Variants in GLIS3 observed in about 807,000 individuals in gnomAD.
GLIS3 encodes the protein GLIS family zinc finger 3.
A neutral mutation model predicts 78.6 loss-of-function variants in GLIS3; 53 were observed. The observed-to-expected ratio is 0.67, with a 90% CI of 0.54 to 0.85. The LOEUF is 0.85. Ranked by LOEUF, GLIS3 falls within the 40% of genes least tolerant of loss-of-function variation. The probability of loss-of-function intolerance (pLI) is 0.00; values close to 1 mark genes in which losing one functional copy is unlikely to be tolerated. For synonymous variants in GLIS3, 684 were observed against 509.9 expected, an observed-to-expected ratio of 1.34 and a Z score of -4.60; for missense variants, 1,703 against 1,231.1, an observed-to-expected ratio of 1.38 and a Z score of -5.74.
chr9:3,861,317 G>A (rs532991869), intron 8 of GLIS3, among the ~76,000 whole-genome samples: 1 of 152,236 alleles, frequency 6.6e-6, no homozygotes, highest in East Asian at 1.9e-4. Flanking sequence ...TGGAGGGAAT[G>A]TAAATTAGTT....
chr9:4,283,932 G>C (rs1351593418), intron 2 of GLIS3, among the ~76,000 whole-genome samples: 1 of 152,206 alleles, frequency 6.6e-6, no homozygotes, highest in African/African-American at 2.4e-5. Context: ...TCCAGGAGGA[G>C]CACTGTAAGC....
intron 4 of GLIS3, among the ~76,000 whole-genome samples, chr9:3,961,720 G>A (rs979289843): frequency 6.6e-6 from 1 of 152,176 alleles, no homozygotes; most frequent in African/African-American, 2.4e-5. Context: ...TGCACAATTA[G>A]ACAAAGGTAA....
chr9:4,309,417 G>T (rs1403378990), intron 3 of GLIS3, among the ~76,000 whole-genome samples: 1 of 152,122 alleles, frequency 6.6e-6, no homozygotes, highest in African/African-American at 2.4e-5. Context: ...GGGGCGGGGG[G>T]AGCACAGTAT....
Position 4,054,541 on chromosome 9 carries a change from T to C in GLIS3, c.1710+63227A>G, listed in dbSNP as rs746944262. The C allele has an allele frequency of 2.4e-4, 228 of 969,932 alleles. 1 individual carries two copies. Among genetic ancestry groups the C allele is most frequent in the Admixed American group, 3.7e-4 (6 of 16,258 alleles). 60.1% of individuals were successfully genotyped at this position (969,932 alleles called of 1,614,324 possible). A position where few individuals can be genotyped will look rare whatever the true frequency, so the allele number is the denominator to read the frequency against. ...ACAGAGAAGGAGGCAAACACAGATC[T>C]GATCAGTGCGGAGCAGGTCACAAGT... On this transcript the variant is annotated intron_variant, in intron 4 of 10. Transcript: ENST00000381971.
chr9:4,244,896 A>T (rs187933982), intron 2 of GLIS3, among the ~76,000 whole-genome samples: 104 of 152,278 alleles, frequency 6.8e-4, no homozygotes, highest in African/African-American at 2.4e-3. Context: ...TTTAAATCTA[A>T]AATGATTCTA....
At chr9:4,124,542 G>A (rs605571) in intron 3 of GLIS3, among the ~76,000 whole-genome samples, 63,803 of 152,060 alleles carry the variant, frequency 0.42, 13,851 homozygotes, top group African/African-American at 0.49. Flanking sequence ...AGTCTGAGAA[G>A]TCCCTTAAGG....
At position 4,299,661 on chromosome 9, in the gene GLIS3, CA is replaced by C. The variant is rs1180383171; in HGVS notation, c.-340del. ...CGCGCGTCTGCGAGGGCAGCGGCGG[CA>C]GGGGGAGGAGGAGGCAGAGGCGGGG... On this transcript the variant is annotated 5_prime_UTR_variant, in exon 1 of 11. An upstream open reading frame in the 5' UTR loses its in-frame stop. Coordinates refer to ENST00000381971, the MANE Select transcript of GLIS3 (RefSeq NM_001042413.2). The C allele has an allele frequency of 6.5e-6, 1 of 152,756 alleles. No homozygotes were observed. Among genetic ancestry groups the C allele is most frequent in the Non-Finnish European group, 1.5e-5 (1 of 68,204 alleles). The allele number at this position is 152,756 out of a possible 1,614,324, so 9.5% of individuals were successfully genotyped here.
intron 4 of GLIS3, among the ~76,000 whole-genome samples, chr9:4,078,423 T>G (rs1285156896): frequency 2.6e-5 from 4 of 152,156 alleles, no homozygotes. Context: ...ACAACTCAAG[T>G]GCACTTCCAA....
intron 4 of GLIS3, among the ~76,000 whole-genome samples, chr9:3,955,250 G>C (rs1035745426): frequency 5.3e-5 from 8 of 152,314 alleles, no homozygotes; most frequent in African/African-American, 1.9e-4. Context: ...ATGAAGACAC[G>C]TGGTGTTCTG....
intron 2 of GLIS3, among the ~76,000 whole-genome samples, chr9:4,133,488 G>A (rs1833131358): frequency 6.6e-6 from 1 of 152,154 alleles, no homozygotes; most frequent in South Asian, 2.1e-4. Context: ...GGAAAGAAGT[G>A]AGAGGTTAAC....
intron 4 of GLIS3, among the ~76,000 whole-genome samples, chr9:4,043,521 G>C (rs573379806): frequency 2.6e-5 from 4 of 152,060 alleles, no homozygotes; most frequent in East Asian, 1.9e-4. Context: ...GCTGGGAAGG[G>C]GCCTTTAAAT....
At chr9:4,354,936 G>A in the GLIS3 span, among the ~76,000 whole-genome samples, 5 of 151,996 alleles carry the variant, frequency 3.3e-5, no homozygotes, top group South Asian at 4.2e-4. Flanking sequence ...CTAACACGGC[G>A]AAACCCCATC....
chr9:3,975,778 A>G (rs1818736105), intron 4 of GLIS3, among the ~76,000 whole-genome samples: 1 of 152,162 alleles, frequency 6.6e-6, no homozygotes, highest in Non-Finnish European at 1.5e-5. Flanking sequence ...TCAAGCTATC[A>G]TCATATAAAG....
chr9:4,222,729 C>G (rs1318007680), intron 2 of GLIS3, among the ~76,000 whole-genome samples: 1 of 152,180 alleles, frequency 6.6e-6, no homozygotes, highest in Non-Finnish European at 1.5e-5. Flanking sequence ...GCACCAAGTC[C>G]AGAGGAATGC....
chr9:4,295,072 C>T (rs1816363107), intron 1 of GLIS3, among the ~76,000 whole-genome samples: 1 of 152,166 alleles, frequency 6.6e-6, no homozygotes, highest in Middle Eastern at 3.2e-3. Context: ...CTATTCCATT[C>T]TTCTGGGTAG....
intron 4 of GLIS3, among the ~76,000 whole-genome samples, chr9:4,044,030 G>A (rs1178124872): frequency 1.3e-5 from 2 of 152,160 alleles, no homozygotes; most frequent in Non-Finnish European, 2.9e-5. Context: ...GGGCCAAGAG[G>A]GCAGAGCAGG....
intron 2 of GLIS3, among the ~76,000 whole-genome samples, chr9:4,138,475 G>C (rs753208940): frequency 6.6e-6 from 1 of 152,156 alleles, no homozygotes; most frequent in Non-Finnish European, 1.5e-5. Flanking sequence ...GAATACACTG[G>C]AGGAGGCTTA....
intron 2 of GLIS3, among the ~76,000 whole-genome samples, chr9:4,326,421 C>G (rs148572690): frequency 6.6e-6 from 1 of 151,986 alleles, no homozygotes; most frequent in Non-Finnish European, 1.5e-5. Context: ...GGACACATCT[C>G]GAAAACATTA....
the GLIS3 span, among the ~76,000 whole-genome samples, chr9:4,396,712 T>G: frequency 1.3e-5 from 2 of 152,212 alleles, no homozygotes; most frequent in Non-Finnish European, 2.9e-5. Flanking sequence ...TATGTATATG[T>G]ACAGACATAA....
Sources: gnomAD v4.1 joint callset for allele counts (sites outside exome capture counted in the v4.1 genomes callset) on GRCh38, gnomAD v4.1.1 for gene constraint, MANE v1.5 for transcripts, NCBI Gene and HGNC (gene_info 2026-07-23, HGNC 2026-07-21) for gene names.